Variants in NOL7 observed in about 807,000 individuals in gnomAD.
NOL7 encodes the protein nucleolar protein 7.
Under a neutral mutation model 38.4 loss-of-function variants are expected in NOL7, and 36 were observed. The observed-to-expected ratio is 0.94, with a 90% confidence interval of 0.72 to 1.24. The LOEUF (loss-of-function observed/expected upper bound fraction) is 1.24, where lower values mean the gene tolerates loss of function less well. Among genes scored for constraint, NOL7 ranks in the 50% most tolerant of loss-of-function variants. The probability of loss-of-function intolerance (pLI) is 0.00; values close to 1 mark genes in which losing one functional copy is unlikely to be tolerated. For missense variants in NOL7, 350 were observed against 315.1 expected (o/e 1.11, Z -0.84); for synonymous variants, 142 against 126.5 (o/e 1.12, Z -0.82).
At chr6:13,622,170 G>A (rs1764469262), downstream of NOL7, 1 of 457,238 alleles carries the variant, frequency 2.2e-6, no homozygotes. Context: ...GGTTAAAGAT[G>A]GAAAATAATT....
chr6:13,629,934 G>T (rs1370121666), intron 8 of NOL7, among the ~76,000 whole-genome samples: 1 of 151,742 alleles, frequency 6.6e-6, no homozygotes, highest in Non-Finnish European at 1.5e-5. Flanking sequence ...GTGTGTGTGT[G>T]TGTGTGTGTA....
downstream of NOL7, chr6:13,625,866 CTAA>C: frequency 7.7e-6 from 6 of 783,956 alleles, no homozygotes; most frequent in South Asian, 3.0e-5. Flanking sequence ...CAGGCACAGA[CTAA>C]TAATGTAAAC....
intron 8 of NOL7, among the ~76,000 whole-genome samples, chr6:13,629,715 A>C (rs1459512758): frequency 6.6e-6 from 1 of 152,194 alleles, no homozygotes; most frequent in Non-Finnish European, 1.5e-5. Flanking sequence ...GCTGCTCAAC[A>C]AACAATTCAA....
rs1764415073 is a variant in NOL7 at position 13,620,559 on chromosome 6, C to G, written c.700+74C>G. ...TAATGTTCTTTTGAAGGAGATAGTT[C>G]ATAATTATACTTTTCCCCCTTATAA... On this transcript the variant is annotated intron_variant, in intron 7 of 7. Coordinates refer to ENST00000451315, the MANE Select transcript of NOL7 (RefSeq NM_016167.5). The G allele has an allele frequency of 1.2e-5, 17 of 1,410,842 alleles. No homozygotes were observed. In the South Asian group the frequency reaches 1.8e-4, roughly 15 times the overall value. 87.4% of individuals were successfully genotyped at this position (1,410,842 alleles called of 1,614,324 possible). A position where few individuals can be genotyped will look rare whatever the true frequency, so the allele number is the denominator to read the frequency against.
downstream of NOL7, chr6:13,625,890 T>C: frequency 1.6e-6 from 1 of 609,574 alleles, no homozygotes; most frequent in South Asian, 1.9e-5. Flanking sequence ...TTTAAACCCA[T>C]TTACTCCCAG....
At chr6:13,617,284 C>CT (rs1251047828) in intron 3 of NOL7, among the ~76,000 whole-genome samples, 1 of 151,172 alleles carries the variant, frequency 6.6e-6, no homozygotes, top group Non-Finnish European at 1.5e-5. Flanking sequence ...TTTGTGTGGC[C>CT]TTTCTCCTGT....
chr6:13,631,952 T>C (rs929827307), intron 8 of NOL7, among the ~76,000 whole-genome samples: 3 of 152,134 alleles, frequency 2.0e-5, no homozygotes, highest in Non-Finnish European at 4.4e-5. Flanking sequence ...CAAAATGCTA[T>C]AAACCTGAAC....
rs1014677118 is a variant in NOL7, at chr6:13,621,532, A to T, written c.*705A>T. 6.5e-6 allele frequency: 1 copy of T among 152,678 alleles called. No individual in the cohort carries two copies. The highest frequency in any genetic ancestry group is 2.4e-5 in the African/African-American group (1 of 41,450). 9.5% of individuals were successfully genotyped at this position (152,678 alleles called of 1,614,324 possible). A position where few individuals can be genotyped will look rare whatever the true frequency, so the allele number is the denominator to read the frequency against. On this transcript the variant is annotated 3_prime_UTR_variant, in exon 8 of 8. Transcript: ENST00000451315. Reference sequence around the variant, plus strand: ...GTAAATTTTTAATGGCTGGTTAATTATATCACTACATTTTATTGCAATATA... The same window carrying T: ...GTAAATTTTTAATGGCTGGTTAATTTTATCACTACATTTTATTGCAATATA...
Position 13,620,632 on chromosome 6 carries a change from T to C in NOL7, c.701-122T>C, listed in dbSNP as rs573977910. ...GTGAAAAACAGGTCAATGTAGTATG[T>C]ATATACATCTAAAGTATAATAAGCC... On this transcript the variant is annotated intron_variant, in intron 7 of 7. Transcript: ENST00000451315. 7.1e-5 allele frequency: 68 copies of C among 954,704 alleles called. No homozygotes were observed. The East Asian group carries it at 1.7e-3, about 24-fold the overall frequency. The allele number at this position is 954,704 out of a possible 1,614,324, so 59.1% of individuals were successfully genotyped here.
Position 13,615,388 on chromosome 6 carries a change from C to G in NOL7, c.30C>G (p.Arg10=). 2 of 1,523,880 alleles carry G rather than the reference C, an allele frequency of 1.3e-6. No homozygotes were observed. Among genetic ancestry groups the G allele is most frequent in the Non-Finnish European group, 1.8e-6 (2 of 1,137,222 alleles). 94.4% of individuals were successfully genotyped at this position (1,523,880 alleles called of 1,614,324 possible). ...TGCAGCTCCGACCGCGAGCGTCTCG[C>G]GCCCCGGCGTCGGCGGAGGCGATGG... is the stretch of plus-strand genomic sequence containing the variant. The part of the protein sequence containing the change: MVQLRPRAS[R]APASAEAMVD... The change falls in exon 1 of 8, where the codon CGC becomes CGG. Residue 10 remains arginine (R), a synonymous_variant. Coordinates refer to ENST00000451315, the MANE Select transcript of NOL7 (RefSeq NM_016167.5).
chr6:13,630,518 TAAAAA>T (rs61203161), intron 8 of NOL7, among the ~76,000 whole-genome samples: 1 of 146,998 alleles, frequency 6.8e-6, no homozygotes, highest in Admixed American at 6.7e-5. Context: ...TAAGAATTCT[TAAAAA>T]AAAAAAAAAA....
chr6:13,626,239 G>GC (rs1379246487), downstream of NOL7, among the ~76,000 whole-genome samples: 1 of 152,200 alleles, frequency 6.6e-6, no homozygotes, highest in East Asian at 1.9e-4. Context: ...TAAACAGGCT[G>GC]CCCTTCAGGA....
downstream of NOL7, chr6:13,621,791 G>A (rs1245830907): frequency 6.6e-6 from 1 of 152,594 alleles, no homozygotes; most frequent in Non-Finnish European, 1.5e-5. Context: ...GGACTAACAG[G>A]TCGGGATTGT....
chr6:13,622,728 T>G (rs1267878813), downstream of NOL7, among the ~76,000 whole-genome samples: 2 of 152,234 alleles, frequency 1.3e-5, no homozygotes, highest in Non-Finnish European at 1.5e-5. Context: ...GAATCAGACT[T>G]TTAAAGTATC....
downstream of NOL7, among the ~76,000 whole-genome samples, chr6:13,622,706 T>TA (rs752550827): frequency 1.7e-3 from 258 of 152,338 alleles, 2 homozygotes; most frequent in Middle Eastern, 6.8e-3. Flanking sequence ...AACTATAAGA[T>TA]AAACTCTGGC....
downstream of NOL7, among the ~76,000 whole-genome samples, chr6:13,626,099 A>ACC (rs1446598508): frequency 6.6e-6 from 1 of 152,150 alleles, no homozygotes; most frequent in East Asian, 1.9e-4. Context: ...TTACTTCACA[A>ACC]TTTATTACTA....
rs781628656 is a variant in NOL7 at position 13,620,188 on chromosome 6, C to G, written c.501-20C>G. 6.3e-7 allele frequency: 1 copy of G among 1,591,188 alleles called. No individual in the cohort carries two copies. Among genetic ancestry groups the G allele is most frequent in the East Asian group, 2.2e-5 (1 of 44,804 alleles). ...GTAAGCATGTGTAATTCTTATTTAA[C>G]CTTTTATATTGATCAACAGCCAGAA... is the stretch of plus-strand genomic sequence containing the variant. On this transcript the variant is annotated intron_variant, in intron 5 of 7. Transcript: ENST00000451315.
chr6:13,616,737 C>G (rs1268288428), intron 3 of NOL7, among the ~76,000 whole-genome samples: 1 of 152,170 alleles, frequency 6.6e-6, no homozygotes, highest in Non-Finnish European at 1.5e-5. Context: ...CTTTTGAATT[C>G]CTGATCCCAT....
chr6:13,628,650 A>G (rs538740846), intron 8 of NOL7, among the ~76,000 whole-genome samples: 2 of 152,356 alleles, frequency 1.3e-5, no homozygotes, highest in South Asian at 4.1e-4. Flanking sequence ...TTATACCATC[A>G]AACTCCCAGT....
Sources: allele counts gnomAD v4.1 joint callset (sites outside exome capture counted in the v4.1 genomes callset), GRCh38; gene constraint gnomAD v4.1.1; transcripts MANE v1.5; gene names NCBI Gene and HGNC (gene_info 2026-07-23, HGNC 2026-07-21).